The following EPB41L2 variants were observed in gnomAD, a reference collection of about 807,000 sequenced individuals.
The protein encoded by EPB41L2 is band 4.1-like protein 2.
A neutral mutation model predicts 113.0 loss-of-function variants in EPB41L2; 43 were observed. The ratio of observed to expected loss-of-function variants is 0.38; its 90% CI spans 0.30 to 0.49. EPB41L2 has a LOEUF of 0.49. Ranked by LOEUF, EPB41L2 falls within the 20% of genes least tolerant of loss-of-function variation. The probability of loss-of-function intolerance (pLI) is 0.95; values close to 1 mark genes in which losing one functional copy is unlikely to be tolerated. For synonymous variants in EPB41L2, 442 were observed against 436.7 expected (o/e 1.01, Z -0.15); for missense variants, 1,147 against 1,223.4 (o/e 0.94, Z 0.93).
chr6:131,018,600 T>G (rs1427574316), intron 1 of EPB41L2, among the ~76,000 whole-genome samples: 2 of 152,170 alleles, frequency 1.3e-5, no homozygotes, highest in Non-Finnish European at 2.9e-5. Context: ...GTGTGTCCCC[T>G]CCCCGCCAAC....
intron 1 of EPB41L2, among the ~76,000 whole-genome samples, chr6:130,979,356 A>C (rs914415974): frequency 2.7e-5 from 4 of 150,828 alleles, no homozygotes; most frequent in African/African-American, 9.8e-5. Flanking sequence ...AAATACAAAA[A>C]AAGTGGCACA....
chr6:130,955,013 T>C, intron 3 of EPB41L2, 92 bp downstream of exon 3: 1 of 1,114,102 alleles, frequency 9.0e-7, no homozygotes, highest in Non-Finnish European at 1.3e-6. Flanking sequence ...ATCAACTGGC[T>C]TACAGGAACT....
intron 1 of EPB41L2, among the ~76,000 whole-genome samples, chr6:131,027,587 A>G (rs1791172370): frequency 1.3e-5 from 2 of 152,248 alleles, no homozygotes; most frequent in Non-Finnish European, 2.9e-5. Context: ...AATGCAGCCA[A>G]TGATTAATAG....
chr6:131,041,937 C>T (rs1368005516), intron 1 of EPB41L2, among the ~76,000 whole-genome samples: 3 of 152,076 alleles, frequency 2.0e-5, no homozygotes, highest in Non-Finnish European at 4.4e-5. Context: ...TTAGATGTAA[C>T]AACAGTATTG....
rs528051093 is a variant in EPB41L2 at position 130,878,363 on chromosome 6, C to A, written c.1897-113G>T. ...GCAAACTTACGATTAAAAAAAAAAC[C>A]ATAGTAAAGCAAGAAAAATGCCAAG... On this transcript the variant is annotated intron_variant, in intron 13 of 19. Transcript: ENST00000337057. The A allele has an allele frequency of 8.1e-5, 100 of 1,228,874 alleles. 1 individual carries two copies. The South Asian group carries it at 1.3e-3, about 16-fold the overall frequency. 76.1% of individuals were successfully genotyped at this position (1,228,874 alleles called of 1,614,324 possible).
intron 1 of EPB41L2, among the ~76,000 whole-genome samples, chr6:130,998,374 G>C (rs553660601): frequency 1.3e-5 from 2 of 152,146 alleles, no homozygotes; most frequent in African/African-American, 4.8e-5. Context: ...ATGAATTGGG[G>C]GTGTAGGGGA....
chr6:130,997,499 T>C (rs1272805102), intron 1 of EPB41L2, among the ~76,000 whole-genome samples: 1 of 152,164 alleles, frequency 6.6e-6, no homozygotes, highest in Non-Finnish European at 1.5e-5. Flanking sequence ...GGAACACATA[T>C]CTACATTAGA....
intron 1 of EPB41L2, among the ~76,000 whole-genome samples, chr6:131,007,164 T>C (rs1196821338): frequency 2.0e-5 from 3 of 152,324 alleles, no homozygotes; most frequent in African/African-American, 4.8e-5. Context: ...TCACCTTGAA[T>C]AGTAATAATC....
At chr6:130,855,625 C>G (rs1001741739) in intron 19 of EPB41L2, among the ~76,000 whole-genome samples, 1 of 152,028 alleles carries the variant, frequency 6.6e-6, no homozygotes, top group Non-Finnish European at 1.5e-5. Context: ...TGTAAGACCT[C>G]ATTTGATTAA....
intron 1 of EPB41L2, among the ~76,000 whole-genome samples, chr6:130,990,738 A>G (rs1781632089): frequency 6.6e-6 from 1 of 152,216 alleles, no homozygotes; most frequent in Non-Finnish European, 1.5e-5. Flanking sequence ...ATCTCATAAT[A>G]ATACGAATGA....
chr6:131,031,220 C>G (rs1584658626), intron 1 of EPB41L2, among the ~76,000 whole-genome samples: 2 of 152,004 alleles, frequency 1.3e-5, no homozygotes, highest in African/African-American at 4.8e-5. Flanking sequence ...AACTTAAAAG[C>G]AAATTTACCT....
chr6:130,968,354 T>A (rs1411593745), intron 1 of EPB41L2, among the ~76,000 whole-genome samples: 1 of 152,156 alleles, frequency 6.6e-6, no homozygotes, highest in Admixed American at 6.5e-5. Context: ...TACTTTCAAA[T>A]CCTCTTCTCT....
intron 1 of EPB41L2, among the ~76,000 whole-genome samples, chr6:131,029,944 G>T (rs539785798): frequency 6.6e-6 from 1 of 150,826 alleles, no homozygotes; most frequent in East Asian, 1.9e-4. Context: ...TGCACAATTG[G>T]ATTGTGGCTT....
intron 1 of EPB41L2, among the ~76,000 whole-genome samples, chr6:131,046,906 A>G (rs1037882536): frequency 5.3e-5 from 8 of 152,202 alleles, no homozygotes; most frequent in Non-Finnish European, 1.2e-4. Flanking sequence ...CTCTGATTCA[A>G]GATAGTTACC....
chr6:130,901,281 A>G (rs1400631951), intron 6 of EPB41L2, 101 bp from the exon 7 acceptor site: 2 of 947,362 alleles, frequency 2.1e-6, no homozygotes, highest in Non-Finnish European at 3.2e-6. Flanking sequence ...AAACAAATAT[A>G]CAATATAGGC....
At chr6:130,874,189 A>G (rs1307388793) in intron 14 of EPB41L2, among the ~76,000 whole-genome samples, 1 of 152,146 alleles carries the variant, frequency 6.6e-6, no homozygotes, top group African/African-American at 2.4e-5. Context: ...TAAAGATTAA[A>G]TGACTTGGTT....
At chr6:130,912,729 C>G (rs1373432422) in intron 4 of EPB41L2, among the ~76,000 whole-genome samples, 1 of 152,052 alleles carries the variant, frequency 6.6e-6, no homozygotes, top group Non-Finnish European at 1.5e-5. Flanking sequence ...TCACAAATGG[C>G]CAGCCTCGAT....
chr6:130,895,167 C>T (rs771280225), intron 8 of EPB41L2, 48 bp from the exon 9 acceptor site: 1 of 1,537,260 alleles, frequency 6.5e-7, no homozygotes, highest in Non-Finnish European at 8.8e-7. Context: ...GTGAAAGTTA[C>T]ACAAATCAAG....
In EPB41L2 at chr6:130,880,160, C is replaced by T. The variant is rs1362117567; in HGVS notation, c.1880G>A (p.Ser627Asn). The change falls in exon 13 of 20, where the codon AGC (serine) becomes AAC (asparagine). Residue 627 changes from serine (S) to asparagine (N), a missense_variant. Transcript: ENST00000337057. ...VEGDNIYVRHSNLMLEELDKA... is the reference protein window; with the variant it reads ...VEGDNIYVRHNNLMLEELDKA... ...TATACAAACCTCCAACATTAAATTG[C>T]TATGTCTGACATAAATATTATCCCC... 6.2e-7 allele frequency: 1 copy of T among 1,608,790 alleles called. No individual in the cohort carries two copies. Among genetic ancestry groups the T allele is most frequent in the Admixed American group, 1.7e-5 (1 of 59,962 alleles).
Sources: gnomAD v4.1 joint callset for allele counts (sites outside exome capture counted in the v4.1 genomes callset) on GRCh38, gnomAD v4.1.1 for gene constraint, MANE v1.5 for transcripts, NCBI Gene and HGNC (gene_info 2026-07-23, HGNC 2026-07-21) for gene names.